ULK1: variants seen among roughly 807,000 people sequenced by gnomAD.
The protein encoded by ULK1 is unc-51 like autophagy activating kinase 1.
Under a neutral mutation model 117.5 loss-of-function variants are expected in ULK1, and 48 were observed. That is an observed-to-expected ratio of 0.41 (90% CI 0.32 to 0.52). The LOEUF (loss-of-function observed/expected upper bound fraction) is 0.52. Ranked by LOEUF, ULK1 falls within the 20% of genes least tolerant of loss-of-function variation. The pLI, the probability that ULK1 is intolerant of heterozygous loss-of-function variation, is 0.29. For synonymous variants in ULK1, 790 were observed against 637.8 expected (o/e 1.24, Z -3.60); for missense variants, 1,387 against 1,473.4 (o/e 0.94, Z 0.96).
rs917929816 is a variant in ULK1, at chr12:131,914,363, C to T, written c.1259C>T (p.Pro420Leu). The change falls in exon 16 of 28, where the codon CCG (proline) becomes CTG (leucine). Residue 420 changes from proline (P) to leucine (L), a missense_variant. Transcript: ENST00000321867. ...SSPSPSGRAG[P>L]FSSSRCGASV... ...TCTCTCCACCACAGCCGGGCTGGCC[C>T]GTTCTCCAGCAGCAGGTGCGGCGCC... 15 of 1,610,964 alleles carry T rather than the reference C, an allele frequency of 9.3e-6. No homozygotes were observed. The highest frequency in any genetic ancestry group is 2.2e-5 in the East Asian group (1 of 44,896).
chr12:131,896,770 T>C (rs1194596507), intron 3 of ULK1: 2 of 152,400 alleles, frequency 1.3e-5, no homozygotes, highest in Non-Finnish European at 2.9e-5. Flanking sequence ...CTCCCTCCCT[T>C]CCTCCTCTTT....
At chr12:131,910,939 T>G (rs1381435727) in intron 12 of ULK1, 139 bp downstream of exon 12, 3 of 1,455,194 alleles carry the variant, frequency 2.1e-6, no homozygotes, top group East Asian at 5.0e-5. Flanking sequence ...GTTCATTCTG[T>G]CAGATGTTGA....
intron 10 of ULK1, 119 bp from the exon 11 acceptor site, chr12:131,910,135 G>A (rs1359232614): frequency 6.4e-7 from 1 of 1,565,312 alleles, no homozygotes; most frequent in African/African-American, 1.4e-5. Context: ...GCGCAGGCAG[G>A]GGCTCCACCT....
intron 13 of ULK1, 21 bp from the exon 14 acceptor site, chr12:131,913,177 C>G (rs1163433250): frequency 6.4e-7 from 1 of 1,559,910 alleles, no homozygotes; most frequent in Admixed American, 1.9e-5. Context: ...ACTCCAGGCC[C>G]AGCCTTGTCT....
chr12:131,921,572 A>G lies in ULK1; in HGVS notation c.*211A>G, dbSNP rs1039280732. ...CCACACAGCTTGGGGGGTGTCTCCC[A>G]TCTTTTACAGGTGGGGATCACAGAA... On this transcript the variant is annotated 3_prime_UTR_variant, in exon 28 of 28. Transcript: ENST00000321867. The G allele has an allele frequency of 4.3e-6, 3 of 703,354 alleles. No individual in the cohort carries two copies. The highest frequency in any genetic ancestry group is 1.8e-5 in the South Asian group (1 of 55,800). The allele number at this position is 703,354 out of a possible 1,614,324, so 43.6% of individuals were successfully genotyped here.
intron 23 of ULK1, among the ~76,000 whole-genome samples, 194 bp from the exon 24 acceptor site, chr12:131,919,018 G>A (rs1354994402): frequency 3.5e-5 from 5 of 142,606 alleles, no homozygotes; most frequent in South Asian, 4.6e-4. Flanking sequence ...GTGGGGTGTC[G>A]GCTGTGTGGG....
intron 5 of ULK1, among the ~76,000 whole-genome samples, chr12:131,908,072 G>T (rs1245411219): frequency 6.6e-6 from 1 of 152,228 alleles, no homozygotes; most frequent in African/African-American, 2.4e-5. Context: ...ACAGTTCCGG[G>T]GACTTGGGCC....
At chr12:131,915,846 G>A (rs762381733) in intron 18 of ULK1, 45 bp from the exon 19 acceptor site, 3 of 1,601,106 alleles carry the variant, frequency 1.9e-6, no homozygotes, top group East Asian at 4.5e-5. Context: ...GCCTAGGGCT[G>A]GGCCGCCGGA....
chr12:131,900,715 A>C (rs564821568), intron 3 of ULK1, among the ~76,000 whole-genome samples: 1 of 152,364 alleles, frequency 6.6e-6, no homozygotes, highest in East Asian at 1.9e-4. Context: ...TGACTCACTC[A>C]GGCCCTGCAG....
intron 3 of ULK1, among the ~76,000 whole-genome samples, chr12:131,906,061 C>T (rs1028474054): frequency 2.0e-5 from 3 of 151,084 alleles, no homozygotes; most frequent in Non-Finnish European, 2.9e-5. Context: ...CAGGCCTCTG[C>T]GTCAACCTGG....
At position 131,917,511 on chromosome 12, in the gene ULK1, C is replaced by T. The variant is rs200609495; in HGVS notation, c.2283C>T (p.Ser761=). The T allele has an allele frequency of 9.7e-5, 143 of 1,467,746 alleles. No individual in the cohort carries two copies. The African/African-American group carries it at 1.2e-3, about 12-fold the overall frequency. The allele number at this position is 1,467,746 out of a possible 1,614,324, so 90.9% of individuals were successfully genotyped here. ...TCTTCACCGTGGGCTCTCCCCCGAG[C>T]GGGAGCACGCCCCCCCAGGGCCCCC... ...PVVFTVGSPP[S]GSTPPQGPRT... Residue 761 remains serine (S), a synonymous_variant, in exon 22 of 28, where the codon AGC becomes AGT. Coordinates refer to ENST00000321867, the MANE Select transcript of ULK1 (RefSeq NM_003565.4).
intron 13 of ULK1, 69 bp downstream of exon 13, chr12:131,912,158 G>A (rs1003306749): frequency 1.0e-5 from 16 of 1,533,446 alleles, no homozygotes; most frequent in Non-Finnish European, 1.4e-5. Flanking sequence ...GCATGTGTTG[G>A]ATGCACAGTG....
At position 131,919,490 on chromosome 12, in the gene ULK1, G is replaced by T. The variant is rs1890050681; in HGVS notation, c.2703G>T (p.Val901=). ...CCCCCAGCTTCGCGGAACAGCTGGTGCTGTACCTGAAGGTGGCCGAGCTAC... is the reference window on the plus strand; with the variant it reads ...CCCCCAGCTTCGCGGAACAGCTGGTTCTGTACCTGAAGGTGGCCGAGCTAC... The part of the protein sequence containing the change: ...SREWGFAEQL[V]LYLKVAELLS... The change falls in exon 25 of 28, where the codon GTG becomes GTT. Residue 901 remains valine (V), a synonymous_variant. Transcript: ENST00000321867. The T allele has an allele frequency of 1.2e-6, 2 of 1,611,744 alleles. No homozygotes were observed. The highest frequency in any genetic ancestry group is 3.3e-5 in the Admixed American group (2 of 59,994).
chr12:131,914,428 C>T lies in ULK1; in HGVS notation c.1324C>T (p.Gln442Ter). The part of the protein sequence containing the change: ...IPVPTQVQNY[Q>*]RIERNLQSPT... ...AGTCCCCACGCAGGTGCAGAACTAC[C>T]AGCGCATTGAGCGAAACCTGCAGTC... The change falls in exon 16 of 28, where the codon CAG (glutamine) becomes TAG (stop). Residue 442 changes from glutamine to a stop codon, truncating the protein, a stop_gained. Coordinates refer to ENST00000321867, the MANE Select transcript of ULK1 (RefSeq NM_003565.4). LOFTEE classifies it high-confidence loss of function. 3 of 1,612,788 alleles carry T rather than the reference C, an allele frequency of 1.9e-6. No homozygotes were observed. The highest frequency in any genetic ancestry group is 2.5e-6 in the Non-Finnish European group (3 of 1,179,970).
rs1273029448 is a variant in ULK1 at position 131,909,869 on chromosome 12, C to T, written c.725+36C>T. ...TCCCGCCTTCCCTTCCCTTCCCCCG[C>T]GGGCTCCGGCCCCGCAGGCCCTGCT... On this transcript the variant is annotated intron_variant, in intron 9 of 27. Transcript: ENST00000321867. 3.7e-6 allele frequency: 6 copies of T among 1,610,358 alleles called. No individual in the cohort carries two copies. The Admixed American group carries it at 6.7e-5, about 18-fold the overall frequency.
At chr12:131,907,813 T>G (rs1027022662) in intron 5 of ULK1, among the ~76,000 whole-genome samples, 1 of 151,798 alleles carries the variant, frequency 6.6e-6, no homozygotes, top group African/African-American at 2.4e-5. Flanking sequence ...GGGTGGGGGC[T>G]GTTGTCTTCA....
intron 22 of ULK1, among the ~76,000 whole-genome samples, chr12:131,917,796 G>C (rs540391491): frequency 3.3e-5 from 5 of 152,310 alleles, no homozygotes; most frequent in Middle Eastern, 3.4e-3. Flanking sequence ...GTAGGCGCTC[G>C]TTCCCATTTA....
At position 131,908,668 on chromosome 12, in the gene ULK1, C is replaced by G; in HGVS notation, c.341C>G (p.Thr114Ser). ...GCCATGCGCACGCTGAGCGAGGACA[C>G]CATCAGGCTCTTCCTGCAGCAGATC... Reference protein sequence around the residue: ...LHAMRTLSEDTIRLFLQQIAG... With the variant: ...LHAMRTLSEDSIRLFLQQIAG... The change falls in exon 6 of 28, where the codon ACC (threonine) becomes AGC (serine). Residue 114 changes from threonine (T) to serine (S), a missense_variant. By Grantham distance (58) the Thr-to-Ser change is moderately conservative (BLOSUM62 1). This residue lies in a region of ULK1 where 224 missense variants were observed against 325.2 expected (regional missense o/e 0.69). Coordinates refer to ENST00000321867, the MANE Select transcript of ULK1 (RefSeq NM_003565.4). The G allele has an allele frequency of 1.9e-6, 3 of 1,569,512 alleles. No homozygotes were observed. The highest frequency in any genetic ancestry group is 1.4e-5 in the African/African-American group (1 of 73,688).
At position 131,921,552 on chromosome 12, in the gene ULK1, C is replaced by CA; in HGVS notation, c.*192dup. On this transcript the variant is annotated 3_prime_UTR_variant, in exon 28 of 28. Coordinates refer to ENST00000321867, the MANE Select transcript of ULK1 (RefSeq NM_003565.4). ...CAGAACCAGCACATCTGGAGCCACA[C>CA]AGCTTGGGGGGTGTCTCCCATCTTT... is the stretch of plus-strand genomic sequence containing the variant. 5.1e-6 allele frequency: 4 copies of CA among 782,310 alleles called. No homozygotes were observed. Among genetic ancestry groups the CA allele is most frequent in the Non-Finnish European group, 6.2e-6 (3 of 482,864 alleles). The allele number at this position is 782,310 out of a possible 1,614,324, so 48.5% of individuals were successfully genotyped here.
Sources: gnomAD v4.1 joint callset for allele counts (sites outside exome capture counted in the v4.1 genomes callset) on GRCh38, gnomAD v4.1.1 for gene constraint, gnomAD v4.1.1 regional missense constraint, MANE v1.5 for transcripts, NCBI Gene and HGNC (gene_info 2026-07-23, HGNC 2026-07-21) for gene names.